Variants in STON2 observed in about 807,000 individuals in gnomAD.
STON2 encodes stonin 2, also known as stonin-2.
In STON2, 29 loss-of-function variants were observed where a neutral mutation model predicts 65.7. The observed-to-expected ratio is 0.44, with a 90% CI of 0.33 to 0.60. STON2 has a LOEUF of 0.60. Ranked by LOEUF, STON2 falls within the 20% of genes least tolerant of loss-of-function variation. The pLI is 0.03. For synonymous variants in STON2, 404 were observed against 414.2 expected, an observed-to-expected ratio of 0.98 and a Z score of 0.30; for missense variants, 1,054 against 1,118.1, an observed-to-expected ratio of 0.94 and a Z score of 0.82.
At chr14:81,371,692 GA>G (rs1899006102) in intron 3 of STON2, among the ~76,000 whole-genome samples, 1 of 98,236 alleles carries the variant, frequency 1.0e-5, no homozygotes, top group African/African-American at 3.6e-5. Context: ...AAAAAAAAAA[GA>G]AAAGAAAAGA....
intron 1 of STON2, among the ~76,000 whole-genome samples, chr14:81,431,079 G>A (rs187627348): frequency 1.2e-3 from 185 of 152,268 alleles, no homozygotes; most frequent in Non-Finnish European, 2.1e-3. Flanking sequence ...GCACGAGGGG[G>A]AAAAACTGCT....
chr14:81,264,369 AG>A lies in STON2; in HGVS notation c.*4044del. 2.0e-6 allele frequency: 2 copies of A among 984,614 alleles called. No homozygotes were observed. The highest frequency in any genetic ancestry group is 2.4e-6 in the Non-Finnish European group (2 of 829,116). The allele number at this position is 984,614 out of a possible 1,614,324, so 61.0% of individuals were successfully genotyped here. ...TATTATGAGTATTTGATGATAAGTA[AG>A]GGTTAAGTAGCCTTCGAGTCTCAGG... is the stretch of plus-strand genomic sequence containing the variant. On this transcript the variant is annotated 3_prime_UTR_variant, in exon 8 of 8. Transcript: ENST00000614646.
At chr14:81,392,821 A>G (rs1330603772) in intron 3 of STON2, among the ~76,000 whole-genome samples, 3 of 152,214 alleles carry the variant, frequency 2.0e-5, no homozygotes, top group East Asian at 1.9e-4. Flanking sequence ...AGAAATTAAT[A>G]ATTTTTACTG....
intron 2 of STON2, 21 bp downstream of exon 2, chr14:81,398,274 G>C (rs17551467): frequency 0.024 from 38,243 of 1,571,212 alleles, 568 homozygotes; most frequent in Middle Eastern, 0.037. Context: ...CTTCACTTTA[G>C]GAAACGAAGG....
At chr14:81,295,002 C>G (rs781557454) in intron 5 of STON2, among the ~76,000 whole-genome samples, 1 of 152,170 alleles carries the variant, frequency 6.6e-6, no homozygotes, top group East Asian at 1.9e-4. Context: ...AAGTGGGTGC[C>G]GGGTGGGCAG....
chr14:81,419,007 T>C (rs1445637143), intron 2 of STON2, among the ~76,000 whole-genome samples: 1 of 151,726 alleles, frequency 6.6e-6, no homozygotes, highest in Non-Finnish European at 1.5e-5. Context: ...ACCAAGAAAA[T>C]ACCTCTTAAA....
intron 4 of STON2, among the ~76,000 whole-genome samples, chr14:81,324,820 A>T (rs961896584): frequency 6.6e-6 from 1 of 152,224 alleles, no homozygotes; most frequent in Non-Finnish European, 1.5e-5. Flanking sequence ...GCCTTTCACA[A>T]ATGGATAATA....
chr14:81,424,998 G>A (rs1268295397), intron 2 of STON2, among the ~76,000 whole-genome samples: 4 of 152,182 alleles, frequency 2.6e-5, no homozygotes, highest in African/African-American at 9.7e-5. Flanking sequence ...ACCACTAATA[G>A]CAGTATTTCT....
chr14:81,398,304 G>A lies in STON2; in HGVS notation c.79C>T (p.His27Tyr), dbSNP rs1265867902. 2.5e-6 allele frequency: 4 copies of A among 1,612,254 alleles called. No individual in the cohort carries two copies. Among genetic ancestry groups the A allele is most frequent in the South Asian group, 1.1e-5 (1 of 90,958 alleles). ...SFNEEPPFPA[H>Y]SQGGTEEHLP... ...CGAAGGCACTCCTTACCCTGCGAGT[G>A]GGCAGGAAAGGGTGGCTCTTCATTG... Residue 27 changes from histidine (H) to tyrosine (Y), a missense_variant, in exon 2 of 8, where the codon CAC becomes TAC. Coordinates refer to ENST00000614646, the MANE Select transcript of STON2 (RefSeq NM_001394390.1).
At chr14:81,411,417 T>C (rs919951145) in intron 2 of STON2, among the ~76,000 whole-genome samples, 4 of 152,158 alleles carry the variant, frequency 2.6e-5, no homozygotes, top group African/African-American at 9.6e-5. Context: ...GGTACAAAAG[T>C]AAATGAGGGC....
chr14:81,433,546 C>T (rs912344003), intron 1 of STON2, among the ~76,000 whole-genome samples: 3 of 152,246 alleles, frequency 2.0e-5, no homozygotes, highest in African/African-American at 7.2e-5. Context: ...CCATACCTTG[C>T]TGTCTGCAGC....
At chr14:81,274,020 T>G (rs2140108894) in intron 6 of STON2, among the ~76,000 whole-genome samples, 1 of 152,214 alleles carries the variant, frequency 6.6e-6, no homozygotes, top group South Asian at 2.1e-4. Flanking sequence ...AACCATCAAT[T>G]CTCTGGGTTC....
chr14:81,356,855 TC>T (rs1310574510), intron 4 of STON2, among the ~76,000 whole-genome samples: 1 of 152,062 alleles, frequency 6.6e-6, no homozygotes, highest in Admixed American at 6.6e-5. Context: ...GGTAGTGATA[TC>T]CCCTTTATCA....
intron 6 of STON2, among the ~76,000 whole-genome samples, chr14:81,276,017 T>C (rs1006176567): frequency 2.0e-5 from 3 of 152,208 alleles, no homozygotes; most frequent in Non-Finnish European, 4.4e-5. Flanking sequence ...CAAAATGTAT[T>C]CTAAACAAGA....
At chr14:81,373,430 AT>A (rs1899095049) in intron 3 of STON2, among the ~76,000 whole-genome samples, 1 of 152,244 alleles carries the variant, frequency 6.6e-6, no homozygotes, top group Non-Finnish European at 1.5e-5. Flanking sequence ...ATATGATGCC[AT>A]TTCCTATAGT....
chr14:81,309,807 C>T (rs1199211560), intron 5 of STON2, among the ~76,000 whole-genome samples: 2 of 152,132 alleles, frequency 1.3e-5, no homozygotes, highest in Non-Finnish European at 2.9e-5. Context: ...GGATAACGTA[C>T]CAAAGACAGG....
At chr14:81,349,192 G>A (rs1043649922) in intron 4 of STON2, among the ~76,000 whole-genome samples, 1 of 152,078 alleles carries the variant, frequency 6.6e-6, no homozygotes, top group Non-Finnish European at 1.5e-5. Context: ...AAGATTTTAT[G>A]GCTAAGACCT....
intron 2 of STON2, among the ~76,000 whole-genome samples, chr14:81,424,866 T>C (rs914705854): frequency 6.6e-6 from 1 of 152,258 alleles, no homozygotes. Context: ...TTCTGCTTTG[T>C]TGTTTCTAAA....
At position 81,277,619 on chromosome 14, in the gene STON2, G is replaced by C. The variant is rs779836554; in HGVS notation, c.1863C>G (p.Leu621=). 6.2e-7 allele frequency: 1 copy of C among 1,613,998 alleles called. No homozygotes were observed. Among genetic ancestry groups the C allele is most frequent in the Non-Finnish European group, 8.5e-7 (1 of 1,180,040 alleles). ...CTGTAATCTCCTCTTCAAGGTAGTT[G>C]AGGCCAACTGTGCTCAAGTCCATTG... The part of the protein sequence containing the change: ...VLSMDLSTVG[L]NYLEEEITVD... The change falls in exon 6 of 8, where the codon CTC becomes CTG. Residue 621 remains leucine (L), a synonymous_variant. Coordinates refer to ENST00000614646, the MANE Select transcript of STON2 (RefSeq NM_001394390.1).
Sources: allele counts gnomAD v4.1 joint callset (sites outside exome capture counted in the v4.1 genomes callset), GRCh38; gene constraint gnomAD v4.1.1; transcripts MANE v1.5; gene names NCBI Gene and HGNC (gene_info 2026-07-23, HGNC 2026-07-21).